ASB5: variants seen among roughly 807,000 people sequenced by gnomAD.
ASB5 encodes ankyrin repeat and SOCS box containing 5.
In ASB5, 45 loss-of-function variants were observed where a neutral mutation model predicts 42.1. The ratio of observed to expected loss-of-function variants is 1.07; its 90% CI spans 0.84 to 1.37. The LOEUF (loss-of-function observed/expected upper bound fraction) is 1.37, where lower values mean the gene tolerates loss of function less well. Among genes scored for constraint, ASB5 ranks in the 40% most tolerant of loss-of-function variants. The probability of loss-of-function intolerance (pLI) is 0.00; values close to 1 mark genes in which losing one functional copy is unlikely to be tolerated. For missense variants in ASB5, 402 were observed against 399.8 expected, an observed-to-expected ratio of 1.01 and a Z score of -0.05; for synonymous variants, 147 against 150.6, an observed-to-expected ratio of 0.98 and a Z score of 0.18.
At chr4:176,258,712 T>G in intron 1 of ASB5, among the ~76,000 whole-genome samples, 1 of 152,230 alleles carries the variant, frequency 6.6e-6, no homozygotes, top group Admixed American at 6.5e-5. Context: ...ATATTCCTTA[T>G]AATGCTATAG....
At chr4:176,222,839 G>A (rs1561253143) in intron 2 of ASB5, among the ~76,000 whole-genome samples, 2 of 152,058 alleles carry the variant, frequency 1.3e-5, no homozygotes, top group Non-Finnish European at 2.9e-5. Context: ...GTGCAGTGGC[G>A]CAATCTCGGC....
intron 1 of ASB5, among the ~76,000 whole-genome samples, chr4:176,226,939 T>C (rs1753397051): frequency 6.6e-6 from 1 of 152,226 alleles, no homozygotes; most frequent in Non-Finnish European, 1.5e-5. Context: ...GACTCAACAG[T>C]GTCCTAGTGC....
intron 1 of ASB5, among the ~76,000 whole-genome samples, chr4:176,229,828 A>G (rs1753480387): frequency 6.6e-6 from 1 of 152,226 alleles, no homozygotes; most frequent in African/African-American, 2.4e-5. Flanking sequence ...CCCATCTTGC[A>G]GGAACAAGGC....
At chr4:176,223,236 C>T (rs1159178158) in intron 2 of ASB5, among the ~76,000 whole-genome samples, 1 of 152,138 alleles carries the variant, frequency 6.6e-6, no homozygotes, top group Non-Finnish European at 1.5e-5. Flanking sequence ...ATCAATTAGA[C>T]TTGGGTTTGA....
At chr4:176,222,675 C>T (rs1307673062) in intron 2 of ASB5, among the ~76,000 whole-genome samples, 2 of 152,148 alleles carry the variant, frequency 1.3e-5, no homozygotes, top group Non-Finnish European at 2.9e-5. Flanking sequence ...GATTCTGGCA[C>T]ATTTTCTTTA....
chr4:176,225,841 T>G (rs10014339), intron 1 of ASB5, among the ~76,000 whole-genome samples: 1 of 151,924 alleles, frequency 6.6e-6, no homozygotes, highest in Non-Finnish European at 1.5e-5. Flanking sequence ...CCACCTGCCT[T>G]GGTCTCCCAA....
In ASB5 at chr4:176,216,996, C is replaced by A. The variant is rs1368483169; in HGVS notation, c.684G>T (p.Gln228His). The A allele has an allele frequency of 6.2e-7, 1 of 1,606,948 alleles. No homozygotes were observed. The highest frequency in any genetic ancestry group is 2.2e-5 in the East Asian group (1 of 44,780). Residue 228 changes from glutamine (Q) to histidine (H), a missense_variant, in exon 6 of 7, where the codon CAG becomes CAT. By Grantham distance (24) the Gln-to-His change is conservative. Transcript: ENST00000296525. ...WKLLYAGADV[Q>H]KGKYWDTPLH... ...ATGGAGTATCCCAATATTTGCCTTTCTGTACGTCAGCACCTACATGTAATA... is the reference window on the plus strand; with the variant it reads ...ATGGAGTATCCCAATATTTGCCTTTATGTACGTCAGCACCTACATGTAATA...
At chr4:176,229,905 C>T (rs13114651) in intron 1 of ASB5, among the ~76,000 whole-genome samples, 24,381 of 152,104 alleles carry the variant, frequency 0.16, 2,591 homozygotes, top group Middle Eastern at 0.29. Context: ...CTCACTATTC[C>T]TTGAAGAAGG....
intron 1 of ASB5, among the ~76,000 whole-genome samples, chr4:176,229,573 C>T (rs1753470269): frequency 6.6e-6 from 1 of 152,040 alleles, no homozygotes. Context: ...ACATAAGTAT[C>T]CAAATCGCAT....
At chr4:176,267,059 T>C (rs1015782770) in intron 1 of ASB5, among the ~76,000 whole-genome samples, 8 of 152,140 alleles carry the variant, frequency 5.3e-5, no homozygotes, top group African/African-American at 7.2e-5. Context: ...ACAAAAATGT[T>C]TCTTCTGTTT....
intron 1 of ASB5, chr4:176,237,265 G>C (rs977848470): frequency 6.1e-6 from 6 of 985,084 alleles, no homozygotes; most frequent in Admixed American, 6.1e-5. Flanking sequence ...TCAGGACACT[G>C]ACAGATTTGA....
intron 1 of ASB5, among the ~76,000 whole-genome samples, chr4:176,249,766 C>T (rs1753986919): frequency 6.6e-6 from 1 of 152,050 alleles, no homozygotes; most frequent in African/African-American, 2.4e-5. Flanking sequence ...TTAGGCGATC[C>T]TTAAAAGAAA....
chr4:176,239,822 A>G (rs911816616), intron 1 of ASB5, among the ~76,000 whole-genome samples: 1 of 152,224 alleles, frequency 6.6e-6, no homozygotes, highest in African/African-American at 2.4e-5. Context: ...AAGGTGGACT[A>G]AGGAGAACCT....
chr4:176,270,087 A>T (rs749700411), upstream of ASB5, among the ~76,000 whole-genome samples: 14 of 152,350 alleles, frequency 9.2e-5, no homozygotes, highest in Admixed American at 2.6e-4. Context: ...TAGGCAACTT[A>T]TATTTTAAAA....
intron 5 of ASB5, among the ~76,000 whole-genome samples, chr4:176,220,451 T>A (rs572523839): frequency 1.3e-5 from 2 of 152,138 alleles, no homozygotes; most frequent in South Asian, 4.1e-4. Context: ...ATTCTAAACA[T>A]CTATCAGATG....
chr4:176,252,430 A>T (rs1754061177), intron 1 of ASB5, among the ~76,000 whole-genome samples: 1 of 152,244 alleles, frequency 6.6e-6, no homozygotes, highest in African/African-American at 2.4e-5. Flanking sequence ...GAGTCCCCTC[A>T]CTTTCTCCCT....
intron 1 of ASB5, among the ~76,000 whole-genome samples, chr4:176,237,807 A>G (rs1753722917): frequency 6.6e-6 from 1 of 152,234 alleles, no homozygotes. Flanking sequence ...GAACCTACAA[A>G]TCAATCAAAT....
chr4:176,242,577 G>A (rs1031067674), intron 1 of ASB5, among the ~76,000 whole-genome samples: 8 of 151,988 alleles, frequency 5.3e-5, no homozygotes, highest in African/African-American at 1.4e-4. Context: ...AAATGTCAGC[G>A]GTATCTGCTA....
upstream of ASB5, among the ~76,000 whole-genome samples, chr4:176,270,831 G>A (rs1166596548): frequency 6.6e-6 from 1 of 152,158 alleles, no homozygotes; most frequent in South Asian, 2.1e-4. Context: ...AGAGAGGTAT[G>A]CCCGTGGACA....
Sources: allele counts gnomAD v4.1 joint callset (sites outside exome capture counted in the v4.1 genomes callset), GRCh38; gene constraint gnomAD v4.1.1; transcripts MANE v1.5; gene names NCBI Gene and HGNC (gene_info 2026-07-23, HGNC 2026-07-21).